DSCAM: variants seen among roughly 807,000 people sequenced by gnomAD.
DSCAM encodes the protein cell adhesion molecule DSCAM.
Under a neutral mutation model 217.7 loss-of-function variants are expected in DSCAM, and 47 were observed. That is an observed-to-expected ratio of 0.22 (90% CI 0.17 to 0.28). DSCAM has a LOEUF of 0.28. Ranked by LOEUF, DSCAM falls within the 10% of genes least tolerant of loss-of-function variation. The probability of loss-of-function intolerance (pLI) is 1.00; values close to 1 mark genes in which losing one functional copy is unlikely to be tolerated. For synonymous variants in DSCAM, 1,056 were observed against 1,015.3 expected (o/e 1.04, Z -0.76); for missense variants, 2,080 against 2,618.3 (o/e 0.79, Z 4.49).
At chr21:40,829,053 G>C (rs1431506693) in intron 1 of DSCAM, among the ~76,000 whole-genome samples, 1 of 152,184 alleles carries the variant, frequency 6.6e-6, no homozygotes, top group Admixed American at 6.5e-5. Flanking sequence ...GGGAATACTT[G>C]AATGCAACAC....
At chr21:40,101,290 C>T (rs1320221981) in intron 20 of DSCAM, among the ~76,000 whole-genome samples, 1 of 151,988 alleles carries the variant, frequency 6.6e-6, no homozygotes, top group Non-Finnish European at 1.5e-5. Context: ...AGCAAGCCAA[C>T]ATTTATTATT....
At chr21:40,632,565 G>A (rs1324533641) in intron 3 of DSCAM, among the ~76,000 whole-genome samples, 1 of 152,140 alleles carries the variant, frequency 6.6e-6, no homozygotes, top group Admixed American at 6.5e-5. Context: ...GTAAATGCTG[G>A]TTATTATCAT....
At chr21:40,239,903 C>A (rs80268177) in intron 11 of DSCAM, among the ~76,000 whole-genome samples, 1 of 152,150 alleles carries the variant, frequency 6.6e-6, no homozygotes, top group Non-Finnish European at 1.5e-5. Context: ...GGGGTACATA[C>A]GCAGGGGCCT....
At chr21:40,045,342 C>A (rs567985590) in intron 30 of DSCAM, among the ~76,000 whole-genome samples, 1 of 152,220 alleles carries the variant, frequency 6.6e-6, no homozygotes. Context: ...CACATCTCTT[C>A]AATAGAATTG....
chr21:40,292,495 A>G (rs2073905231), intron 10 of DSCAM, among the ~76,000 whole-genome samples: 1 of 151,284 alleles, frequency 6.6e-6, no homozygotes, highest in Non-Finnish European at 1.5e-5. Flanking sequence ...CAGATTGGAA[A>G]ATGTCAAAAA....
chr21:40,640,406 C>G (rs2089863397), intron 3 of DSCAM, among the ~76,000 whole-genome samples: 1 of 152,170 alleles, frequency 6.6e-6, no homozygotes, highest in Non-Finnish European at 1.5e-5. Flanking sequence ...GTGGGTAACC[C>G]TAACACCCCT....
intron 15 of DSCAM, among the ~76,000 whole-genome samples, chr21:40,171,427 G>A (rs1392395114): frequency 6.6e-6 from 1 of 152,146 alleles, no homozygotes; most frequent in Non-Finnish European, 1.5e-5. Flanking sequence ...AGGGGGTACA[G>A]TTCTTGTATC....
chr21:40,139,941 G>A (rs2090268936), intron 18 of DSCAM, among the ~76,000 whole-genome samples: 1 of 150,996 alleles, frequency 6.6e-6, no homozygotes, highest in African/African-American at 2.4e-5. Flanking sequence ...TGGGTGTGGT[G>A]TGGTATGTGA....
At position 40,366,116 on chromosome 21, in the gene DSCAM, A is replaced by G. The variant is rs116287018; in HGVS notation, c.655+2983T>C. Among the ~76,000 whole-genome samples, 592 of 152,144 alleles carry G rather than the reference A, an allele frequency of 3.9e-3. 3 individuals are homozygous for G. The highest frequency in any genetic ancestry group is 0.014 in the African/African-American group (566 of 41,510). Reference sequence around the variant, plus strand: ...CAAAAATTTTATTAGACTATGTTGCATGTTGACCATTCTGGGTCCATTTTT... The same window carrying G: ...CAAAAATTTTATTAGACTATGTTGCGTGTTGACCATTCTGGGTCCATTTTT... On this transcript the variant is annotated intron_variant, in intron 4 of 32. Coordinates refer to ENST00000400454, the MANE Select transcript of DSCAM (RefSeq NM_001389.5).
At chr21:40,531,855 C>T (rs1474256340) in intron 3 of DSCAM, among the ~76,000 whole-genome samples, 1 of 152,134 alleles carries the variant, frequency 6.6e-6, no homozygotes, top group African/African-American at 2.4e-5. Flanking sequence ...ATCCAGCATC[C>T]CACTCAATGC....
At chr21:40,802,278 T>C (rs1355126738) in intron 1 of DSCAM, among the ~76,000 whole-genome samples, 1 of 152,212 alleles carries the variant, frequency 6.6e-6, no homozygotes, top group Admixed American at 6.5e-5. Context: ...GCCTTTCTTT[T>C]TGCCTATTTA....
intron 3 of DSCAM, among the ~76,000 whole-genome samples, chr21:40,674,298 A>G (rs1197766220): frequency 1.3e-5 from 2 of 152,184 alleles, no homozygotes; most frequent in African/African-American, 4.8e-5. Flanking sequence ...CCAACAGAAA[A>G]ATGCTTCAGT....
At chr21:40,617,090 C>A (rs1268574822) in intron 3 of DSCAM, among the ~76,000 whole-genome samples, 2 of 150,198 alleles carry the variant, frequency 1.3e-5, no homozygotes, top group African/African-American at 4.9e-5. Flanking sequence ...AAGCCAACAC[C>A]CAGAACAAAG....
intron 3 of DSCAM, among the ~76,000 whole-genome samples, chr21:40,456,667 CAAAAA>C: frequency 1.5e-5 from 1 of 68,036 alleles, no homozygotes; most frequent in Non-Finnish European, 3.6e-5. Context: ...CACAATAATA[CAAAAA>C]TTATTGTGAA....
chr21:40,814,887 T>C (rs2091867920), intron 1 of DSCAM, among the ~76,000 whole-genome samples: 1 of 152,220 alleles, frequency 6.6e-6, no homozygotes. Flanking sequence ...GCCATTGATC[T>C]TGTATTCTTA....
In DSCAM at chr21:40,353,501, C is replaced by T. The variant is rs2074656543; in HGVS notation, c.898G>A (p.Gly300Arg). 4 of 1,611,328 alleles carry T rather than the reference C, an allele frequency of 2.5e-6. No homozygotes were observed. Among genetic ancestry groups the T allele is most frequent in the Non-Finnish European group, 2.5e-6 (3 of 1,179,052 alleles). ...SYVCEVSNRY[G>R]TAKVIGRLYV... Reference sequence around the variant, plus strand: ...AGGCGGCCTATCACCTTAGCAGTTCCGTATCTGTTGGACACTTCACAAACA... The same window carrying T: ...AGGCGGCCTATCACCTTAGCAGTTCTGTATCTGTTGGACACTTCACAAACA... The change falls in exon 5 of 33, where the codon GGA (glycine) becomes AGA (arginine). Residue 300 changes from glycine to arginine, a missense_variant. Transcript: ENST00000400454.
intron 14 of DSCAM, among the ~76,000 whole-genome samples, chr21:40,179,890 G>A (rs73904716): frequency 0.034 from 5,137 of 152,304 alleles, 290 homozygotes; most frequent in African/African-American, 0.12. Flanking sequence ...GACTGTAGGT[G>A]TGTGGTCGAC....
intron 28 of DSCAM, among the ~76,000 whole-genome samples, chr21:40,062,612 TG>T (rs2089140141): frequency 2.0e-5 from 3 of 152,246 alleles, no homozygotes; most frequent in Admixed American, 2.0e-4. Context: ...CCCAGGCTAA[TG>T]GGAAGCCTTC....
At chr21:40,278,944 G>A (rs2073724493) in intron 10 of DSCAM, among the ~76,000 whole-genome samples, 1 of 152,144 alleles carries the variant, frequency 6.6e-6, no homozygotes, top group South Asian at 2.1e-4. Context: ...TGTTTTAAAG[G>A]TAATTAAGAG....
Sources: allele counts gnomAD v4.1 joint callset (sites outside exome capture counted in the v4.1 genomes callset), GRCh38; gene constraint gnomAD v4.1.1; transcripts MANE v1.5; gene names NCBI Gene and HGNC (gene_info 2026-07-23, HGNC 2026-07-21).